CCDC192: variants seen among roughly 807,000 people sequenced by gnomAD.
CCDC192 encodes the protein coiled-coil domain containing 192.
At chr5:127,730,373 G>A (rs1310026507) in intron 2 of CCDC192, among the ~76,000 whole-genome samples, 1 of 152,096 alleles carries the variant, frequency 6.6e-6, no homozygotes, top group Non-Finnish European at 1.5e-5. Context: ...AATTGAGGCA[G>A]TAATAAATGG....
At chr5:127,868,016 T>C (rs77694670) in intron 5 of CCDC192, among the ~76,000 whole-genome samples, 2,785 of 151,504 alleles carry the variant, frequency 0.018, 106 homozygotes, top group African/African-American at 0.064. Flanking sequence ...TTTCTTTTTT[T>C]TTTTTTTTTC....
At chr5:127,904,656 C>T (rs1464867865) in intron 6 of CCDC192, among the ~76,000 whole-genome samples, 42 of 152,000 alleles carry the variant, frequency 2.8e-4, no homozygotes, top group Admixed American at 2.5e-3. Flanking sequence ...CGCTTGCCAC[C>T]GCACCCAACT....
chr5:127,766,287 G>A (rs1427409770), intron 3 of CCDC192, among the ~76,000 whole-genome samples: 1 of 152,124 alleles, frequency 6.6e-6, no homozygotes, highest in Non-Finnish European at 1.5e-5. Context: ...GAACAGCAGA[G>A]AGGCATTTGC....
At chr5:127,816,866 A>C (rs2127011366) in intron 5 of CCDC192, among the ~76,000 whole-genome samples, 1 of 152,322 alleles carries the variant, frequency 6.6e-6, no homozygotes, top group East Asian at 1.9e-4. Context: ...CACACCCAGT[A>C]AGTTTGTGGG....
At chr5:127,844,071 C>T (rs1051455737) in intron 5 of CCDC192, among the ~76,000 whole-genome samples, 9 of 152,192 alleles carry the variant, frequency 5.9e-5, no homozygotes, top group African/African-American at 1.9e-4. Context: ...CAACATCATC[C>T]CTTTTCAAGA....
rs143998503 is a variant in CCDC192, at chr5:127,786,467, A to G, written c.223-10636A>G. 497 of 629,938 alleles carry G rather than the reference A, an allele frequency of 7.9e-4. 7 individuals are homozygous for G. Among genetic ancestry groups the G allele is most frequent in the South Asian group, 7.9e-3 (435 of 55,264 alleles). 39.0% of individuals were successfully genotyped at this position (629,938 alleles called of 1,614,324 possible). A position where few individuals can be genotyped will look rare whatever the true frequency, so the allele number is the denominator to read the frequency against. ...CAACTCCACTCACAGTTTTGTATTG[A>G]TGGTTTCACCATTTCCTTCCTTTTT... On this transcript the variant is annotated intron_variant, in intron 3 of 6. Transcript: ENST00000514853.
At chr5:127,815,820 G>A (rs1412463956) in intron 5 of CCDC192, among the ~76,000 whole-genome samples, 2 of 151,488 alleles carry the variant, frequency 1.3e-5, no homozygotes, top group Non-Finnish European at 2.9e-5. Flanking sequence ...GTGAGAGTAG[G>A]TTGCACCATT....
At chr5:127,722,462 C>T (rs918453634) in intron 2 of CCDC192, among the ~76,000 whole-genome samples, 4 of 152,020 alleles carry the variant, frequency 2.6e-5, no homozygotes, top group African/African-American at 7.2e-5. Context: ...TTTTTAATGT[C>T]ATGTGATCCC....
intron 6 of CCDC192, among the ~76,000 whole-genome samples, chr5:127,905,973 G>C (rs1427130503): frequency 6.6e-6 from 1 of 152,186 alleles, no homozygotes; most frequent in African/African-American, 2.4e-5. Flanking sequence ...AGCTGGATTT[G>C]CCTGATCAAA....
rs1357847120 is a variant in CCDC192 at position 127,748,500 on chromosome 5, G to T, written c.115-5768G>T. Among the ~76,000 whole-genome samples, 595 of 124,714 alleles carry T rather than the reference G, an allele frequency of 4.8e-3. 2 individuals carry two copies. Among genetic ancestry groups the T allele is most frequent in the African/African-American group, 0.016 (554 of 34,660 alleles). The allele number at this position is 124,714 out of a possible 152,430, so 81.8% of individuals were successfully genotyped here. A position where few individuals can be genotyped will look rare whatever the true frequency, so the allele number is the denominator to read the frequency against. On this transcript the variant is annotated intron_variant, in intron 2 of 6. Transcript: ENST00000514853. ...TTTGGTACCAGTACCATGCTGTTTT[G>T]GTTACTGTAGCCTTGTAGTATAGTT...
intron 2 of CCDC192, among the ~76,000 whole-genome samples, chr5:127,752,766 C>A (rs1336267750): frequency 2.0e-5 from 3 of 152,196 alleles, no homozygotes; most frequent in African/African-American, 2.4e-5. Flanking sequence ...GTCAGCGAGA[C>A]TCCGTGGGCG....
At chr5:127,870,510 A>T (rs1751805516) in intron 5 of CCDC192, among the ~76,000 whole-genome samples, 1 of 152,264 alleles carries the variant, frequency 6.6e-6, no homozygotes, top group African/African-American at 2.4e-5. Context: ...GTTCAAGTCC[A>T]TTTAGCTGTC....
At chr5:127,773,480 C>T (rs1040914986) in intron 3 of CCDC192, among the ~76,000 whole-genome samples, 1 of 152,042 alleles carries the variant, frequency 6.6e-6, no homozygotes, top group Non-Finnish European at 1.5e-5. Context: ...CTGTTTTCTG[C>T]CTTTATGGAT....
intron 6 of CCDC192, among the ~76,000 whole-genome samples, chr5:127,907,585 G>T (rs1202947374): frequency 6.6e-6 from 1 of 152,096 alleles, no homozygotes; most frequent in Admixed American, 6.6e-5. Context: ...GTTAAAGTCT[G>T]ACATCTATTT....
intron 6 of CCDC192, among the ~76,000 whole-genome samples, chr5:127,876,085 T>A (rs919952317): frequency 2.7e-5 from 3 of 113,134 alleles, no homozygotes; most frequent in Non-Finnish European, 5.6e-5. Flanking sequence ...TTTTTTTTTT[T>A]ACCAATAGGC....
At chr5:127,721,961 G>T (rs571908906) in intron 2 of CCDC192, among the ~76,000 whole-genome samples, 2 of 152,242 alleles carry the variant, frequency 1.3e-5, no homozygotes, top group South Asian at 2.1e-4. Flanking sequence ...CCCCCACTAG[G>T]CTCCTCCTCC....
intron 2 of CCDC192, among the ~76,000 whole-genome samples, chr5:127,721,150 A>G (rs1751999717): frequency 6.6e-6 from 1 of 152,178 alleles, no homozygotes; most frequent in Admixed American, 6.5e-5. Context: ...CTGGGCTGCA[A>G]ATTTTCCAAA....
chr5:127,730,165 C>T (rs1752562471), intron 2 of CCDC192, among the ~76,000 whole-genome samples: 1 of 151,920 alleles, frequency 6.6e-6, no homozygotes, highest in African/African-American at 2.4e-5. Context: ...ATCAAATAGA[C>T]ACAATATAAA....
intron 5 of CCDC192, among the ~76,000 whole-genome samples, chr5:127,869,379 G>T (rs1477807881): frequency 6.6e-6 from 1 of 152,154 alleles, no homozygotes; most frequent in Non-Finnish European, 1.5e-5. Flanking sequence ...TCAGAATGAT[G>T]CCTGGCATAT....
Sources: gnomAD v4.1 joint callset for allele counts (sites outside exome capture counted in the v4.1 genomes callset) on GRCh38, gnomAD v4.1.1 for gene constraint, MANE v1.5 for transcripts, NCBI Gene and HGNC (gene_info 2026-07-23, HGNC 2026-07-21) for gene names.